EYA1: variants seen among roughly 807,000 people sequenced by gnomAD.
The protein encoded by EYA1 is EYA transcriptional coactivator and phosphatase 1.
Under a neutral mutation model 82.0 loss-of-function variants are expected in EYA1, and 16 were observed. The ratio of observed to expected loss-of-function variants is 0.20; its 90% CI spans 0.13 to 0.30. The LOEUF is 0.30. EYA1 is among the 10% of genes least tolerant of loss of function. EYA1 has a pLI of 1.00. For missense variants in EYA1, 633 were observed against 730.7 expected, an observed-to-expected ratio of 0.87 and a Z score of 1.54; for synonymous variants, 261 against 264.4, an observed-to-expected ratio of 0.99 and a Z score of 0.12.
At chr8:71,456,439 G>A (rs76293590) in intron 2 of EYA1, among the ~76,000 whole-genome samples, 12,374 of 152,094 alleles carry the variant, frequency 0.081, 612 homozygotes, top group East Asian at 0.21. Flanking sequence ...AAAAGAGTCC[G>A]CATTGCCAAG....
At chr8:71,365,189 G>A (rs563498803), upstream of EYA1, among the ~76,000 whole-genome samples, 12 of 151,476 alleles carry the variant, frequency 7.9e-5, no homozygotes, top group African/African-American at 2.7e-4. Context: ...AAATAAACAC[G>A]AGAAAACAAA....
intron 2 of EYA1, among the ~76,000 whole-genome samples, chr8:71,394,394 C>T (rs1017501609): frequency 9.9e-5 from 15 of 151,934 alleles, no homozygotes; most frequent in African/African-American, 2.9e-4. Flanking sequence ...GGTATTGCCT[C>T]GGTTTTCTTC....
chr8:71,418,779 A>T (rs1402264416), intron 2 of EYA1, among the ~76,000 whole-genome samples: 3 of 152,132 alleles, frequency 2.0e-5, no homozygotes, highest in Non-Finnish European at 4.4e-5. Context: ...TGCTGTGAAG[A>T]AGGAAGTGGG....
intron 2 of EYA1, among the ~76,000 whole-genome samples, chr8:71,459,753 C>A (rs976913045): frequency 5.9e-5 from 9 of 152,048 alleles, no homozygotes; most frequent in African/African-American, 1.9e-4. Context: ...CAACACTGCT[C>A]TTAATATATT....
chr8:71,523,267 C>T (rs1402990118), intron 2 of EYA1, among the ~76,000 whole-genome samples: 1 of 149,400 alleles, frequency 6.7e-6, no homozygotes, highest in African/African-American at 2.5e-5. Context: ...CAAGCTCCGC[C>T]TCCCAGGTTC....
At chr8:71,273,616 G>A (rs1816801412) in intron 9 of EYA1, among the ~76,000 whole-genome samples, 1 of 152,164 alleles carries the variant, frequency 6.6e-6, no homozygotes, top group South Asian at 2.1e-4. Flanking sequence ...AAAATATTCT[G>A]CAATGTACGT....
intron 12 of EYA1, among the ~76,000 whole-genome samples, chr8:71,231,273 A>C (rs1227788947): frequency 6.6e-6 from 1 of 152,206 alleles, no homozygotes; most frequent in African/African-American, 2.4e-5. Flanking sequence ...TGGTAGTGCT[A>C]TAAGTTCTTT....
At position 71,217,718 on chromosome 8, in the gene EYA1, TTTACTA is replaced by T. The variant is rs1218667905; in HGVS notation, c.1141-701_1141-696del. On this transcript the variant is annotated intron_variant, in intron 12 of 17. Transcript: ENST00000340726. ...CATTTTTTGTGTTATTTTTAGCTGT[TTTACTA>T]TTATTACATATTCACTGGATTTATG... 3.9e-5 allele frequency among the ~76,000 whole-genome samples: 6 copies of T among 152,336 alleles called. No individual in the cohort carries two copies. In the East Asian group the frequency reaches 7.7e-4, roughly 20 times the overall value.
chr8:71,415,816 A>G (rs1458606746), intron 2 of EYA1, among the ~76,000 whole-genome samples: 2 of 152,250 alleles, frequency 1.3e-5, no homozygotes, highest in Non-Finnish European at 2.9e-5. Flanking sequence ...TTTATTAATT[A>G]CAGCCAGATC....
At chr8:71,431,239 A>T (rs2129160986) in intron 2 of EYA1, among the ~76,000 whole-genome samples, 1 of 152,350 alleles carries the variant, frequency 6.6e-6, no homozygotes, top group Admixed American at 6.5e-5. Context: ...TTAGGGGAGA[A>T]GAGTAATCTC....
intron 3 of EYA1, among the ~76,000 whole-genome samples, chr8:71,336,409 C>T (rs1340659537): frequency 6.6e-6 from 1 of 152,142 alleles, no homozygotes; most frequent in East Asian, 1.9e-4. Context: ...AAAATTGTTC[C>T]ACTGCGTGAG....
intron 7 of EYA1, among the ~76,000 whole-genome samples, chr8:71,312,120 T>TAG (rs1489754248): frequency 6.6e-6 from 1 of 152,226 alleles, no homozygotes; most frequent in Non-Finnish European, 1.5e-5. Context: ...AGAAATGAGT[T>TAG]TTCTAAGAAG....
chr8:71,265,512 A>G (rs1161204963), intron 11 of EYA1, among the ~76,000 whole-genome samples: 1 of 152,258 alleles, frequency 6.6e-6, no homozygotes, highest in Non-Finnish European at 1.5e-5. Context: ...TGAGACACAG[A>G]CATTAAACAA....
chr8:71,524,771 A>G (rs1813686698), intron 2 of EYA1, among the ~76,000 whole-genome samples: 2 of 152,224 alleles, frequency 1.3e-5, no homozygotes, highest in South Asian at 4.1e-4. Context: ...CAATACAATG[A>G]TCTCTGGCAT....
rs201950125 is a variant in EYA1, at chr8:71,523,173, C to CTTTTTTTTT, written c.33+12570_33+12571insAAAAAAAAA. ...TTCAGCTCTTTTTCTTTTCTTTTTT[C>CTTTTTTTTT]TTTTTCTTTTTTTTTTTTTTTTTGA... On this transcript the variant is annotated intron_variant, in intron 2 of 18. Transcript: ENST00000643681. 1.1e-3 allele frequency among the ~76,000 whole-genome samples: 124 copies of CTTTTTTTTT among 110,826 alleles called. 13 individuals are homozygous for CTTTTTTTTT. The highest frequency in any genetic ancestry group is 2.0e-3 in the South Asian group (6 of 3,076). The allele number at this position is 110,826 out of a possible 152,430, so 72.7% of individuals were successfully genotyped here. A position where few individuals can be genotyped will look rare whatever the true frequency, so the allele number is the denominator to read the frequency against.
intron 3 of EYA1, among the ~76,000 whole-genome samples, chr8:71,354,381 T>C (rs944725052): frequency 2.0e-5 from 3 of 152,174 alleles, no homozygotes; most frequent in African/African-American, 7.2e-5. Flanking sequence ...CAAATTCGGC[T>C]ATATTTAACA....
intron 8 of EYA1, 55 bp downstream of exon 8, chr8:71,299,583 A>G: frequency 1.0e-6 from 1 of 992,846 alleles, no homozygotes; most frequent in Non-Finnish European, 1.6e-6. Context: ...TACATAAGAA[A>G]ATCATGTTGC....
At chr8:71,284,966 A>C (rs989543588) in intron 9 of EYA1, among the ~76,000 whole-genome samples, 1 of 152,216 alleles carries the variant, frequency 6.6e-6, no homozygotes, top group Non-Finnish European at 1.5e-5. Flanking sequence ...AAATTTTATT[A>C]GGTTTGGCTG....
At chr8:71,330,851 TTGTGTGTGTGTG>T (rs35043341) in intron 4 of EYA1, among the ~76,000 whole-genome samples, 4 of 147,022 alleles carry the variant, frequency 2.7e-5, no homozygotes, top group Non-Finnish European at 4.6e-5. Flanking sequence ...CCTTGATTTC[TTGTGTGTGTGTG>T]TGTGTGTGTG....
Sources: allele counts gnomAD v4.1 joint callset (sites outside exome capture counted in the v4.1 genomes callset), GRCh38; gene constraint gnomAD v4.1.1; transcripts MANE v1.5; gene names NCBI Gene and HGNC (gene_info 2026-07-23, HGNC 2026-07-21).